ZAN: variants seen among roughly 807,000 people sequenced by gnomAD.
ZAN encodes the protein zonadhesin (gene/pseudogene).
A neutral mutation model predicts 286.2 loss-of-function variants in ZAN; 260 were observed. That is an observed-to-expected ratio of 0.91 (90% CI 0.82 to 1.01). The LOEUF (loss-of-function observed/expected upper bound fraction) is 1.01, where lower values mean the gene tolerates loss of function less well. Ranked by LOEUF, ZAN falls within the 50% of genes least tolerant of loss-of-function variation. The probability of loss-of-function intolerance (pLI) is 0.00; values close to 1 mark genes in which losing one functional copy is unlikely to be tolerated. For synonymous variants in ZAN, 1,368 were observed against 1,417.5 expected (o/e 0.97, Z 0.79); for missense variants, 3,410 against 3,639.2 (o/e 0.94, Z 1.62).
intron 35 of ZAN, among the ~76,000 whole-genome samples, chr7:100,782,679 T>G (rs968846437): frequency 9.0e-6 from 1 of 110,856 alleles, no homozygotes; most frequent in Non-Finnish European, 1.8e-5. Context: ...AGTGGGTTTT[T>G]TTTGTGTGTG....
At position 100,767,850 on chromosome 7, in the gene ZAN, C is replaced by T; in HGVS notation, c.4880C>T (p.Ala1627Val). The change falls in exon 26 of 48, where the codon GCC (alanine) becomes GTC (valine). Residue 1627 changes from alanine to valine, a missense_variant. By Grantham distance (64) the Ala-to-Val change is moderately conservative. Around this residue, in one of 7 missense-constraint regions of ZAN, gnomAD observed 1,042 missense variants for 1,058.0 expected, o/e 0.98. Transcript: ENST00000613979. ...CTGCAGCTGAATGGCCATCGGGTGG[C>T]CCTACCTGTGTGGCTTGCACAAGGC... ...CKVMLNGHRV[A>V]LPVWLAQGRV... is the part of the protein sequence containing the mutation. 1.9e-6 allele frequency: 3 copies of T among 1,613,578 alleles called. No homozygotes were observed. The highest frequency in any genetic ancestry group is 2.2e-5 in the South Asian group (2 of 91,024).
intron 7 of ZAN, among the ~76,000 whole-genome samples, chr7:100,745,400 C>G (rs926879885): frequency 6.6e-6 from 1 of 151,716 alleles, no homozygotes; most frequent in African/African-American, 2.4e-5. Flanking sequence ...GCGCTCCCCA[C>G]GAGTGGCAGC....
chr7:100,779,543 GA>G lies in ZAN; in HGVS notation c.6419del (p.Lys2140SerfsTer18). On this transcript the variant is annotated frameshift_variant, in exon 35 of 48. Coordinates refer to ENST00000613979, the MANE Select transcript of ZAN (RefSeq NM_003386.3). LOFTEE classifies it high-confidence loss of function. ...GGCGGCCGACCTCCGCAGGGCGCGGGAAAAGTGCGAGGCAGCGCTCCGGGCT... is the reference window on the plus strand; with the variant it reads ...GGCGGCCGACCTCCGCAGGGCGCGGGAAAGTGCGAGGCAGCGCTCCGGGCT... ...CRAADLRRAR[E>X]KCEAALRAPV... is the part of the protein sequence containing the mutation. The G allele has an allele frequency of 1.2e-6, 2 of 1,612,256 alleles. No individual in the cohort carries two copies. The highest frequency in any genetic ancestry group is 1.7e-6 in the Non-Finnish European group (2 of 1,179,276).
intron 9 of ZAN, 62 bp from the exon 10 acceptor site, chr7:100,748,075 G>C: frequency 1.4e-6 from 2 of 1,410,054 alleles, no homozygotes; most frequent in Non-Finnish European, 2.0e-6. Flanking sequence ...AGTCGAGTTA[G>C]ATCAGGGGCT....
At chr7:100,793,352 T>TA (rs1263351822) in intron 42 of ZAN, among the ~76,000 whole-genome samples, 2 of 151,368 alleles carry the variant, frequency 1.3e-5, no homozygotes, top group Admixed American at 6.6e-5. Flanking sequence ...AAAAAAAATT[T>TA]AAAAAAATAA....
At chr7:100,788,946 G>A (rs560695240) in intron 38 of ZAN, among the ~76,000 whole-genome samples, 20 of 152,194 alleles carry the variant, frequency 1.3e-4, no homozygotes, top group Non-Finnish European at 2.2e-4. Context: ...TGATCCGCCC[G>A]ACTCGGCCTC....
intron 7 of ZAN, among the ~76,000 whole-genome samples, chr7:100,741,166 C>A (rs1168844976): frequency 1.4e-4 from 6 of 42,116 alleles, no homozygotes; most frequent in Non-Finnish European, 2.4e-4. Context: ...CTGACCCCCC[C>A]ACCTCCCTCG....
Position 100,779,623 on chromosome 7 carries a change from CTG to C in ZAN, c.6498_6499del (p.Ala2167LysfsTer5). On this transcript the variant is annotated frameshift_variant, in exon 35 of 48. Coordinates refer to ENST00000613979, the MANE Select transcript of ZAN (RefSeq NM_003386.3). LOFTEE classifies it high-confidence loss of function. ...RIDLTPFLVD[C>X]ANTLCEFGGL... Reference sequence around the variant, plus strand: ...TAGACCTCACGCCCTTCCTGGTGGACTGTGCAAACACCCTCTGTGAGTTCGGA... The same window carrying C: ...TAGACCTCACGCCCTTCCTGGTGGACTGCAAACACCCTCTGTGAGTTCGGA... 1 of 1,602,088 alleles carries C rather than the reference CTG, an allele frequency of 6.2e-7. No homozygotes were observed.
At chr7:100,749,239 G>A (rs970618544) in intron 11 of ZAN, among the ~76,000 whole-genome samples, 4 of 152,018 alleles carry the variant, frequency 2.6e-5, no homozygotes, top group African/African-American at 7.3e-5. Flanking sequence ...CTACTCAGGA[G>A]GCTGAGGCAG....
At chr7:100,766,803 T>C in intron 24 of ZAN, 137 bp downstream of exon 24, 1 of 1,432,270 alleles carries the variant, frequency 7.0e-7, no homozygotes, top group Non-Finnish European at 9.3e-7. Flanking sequence ...GGCAGCATTT[T>C]CAGGGACCCA....
At position 100,760,493 on chromosome 7, in the gene ZAN, G is replaced by A. The variant is rs1473266274; in HGVS notation, c.3799G>A (p.Val1267Met). Residue 1267 changes from valine to methionine, a missense_variant, in exon 19 of 48, where the codon GTG (valine) becomes ATG (methionine). Val to Met is a conservative substitution (Grantham distance 21, BLOSUM62 1). Transcript: ENST00000613979. ...GCTGCAGACGGAGTTCGGTTTGCGGGTGAGATGGGATGGTGACCAGCAGCT... is the reference window on the plus strand; with the variant it reads ...GCTGCAGACGGAGTTCGGTTTGCGGATGAGATGGGATGGTGACCAGCAGCT... ...VELQTEFGLR[V>M]RWDGDQQLYV... 1.2e-6 allele frequency: 2 copies of A among 1,613,820 alleles called. No homozygotes were observed. The highest frequency in any genetic ancestry group is 2.7e-5 in the African/African-American group (2 of 74,900).
At position 100,748,212 on chromosome 7, in the gene ZAN, G is replaced by A. The variant is rs370737759; in HGVS notation, c.1099G>A (p.Gly367Arg). The change falls in exon 10 of 48, where the codon GGG becomes AGG. Residue 367 changes from glycine to arginine, a missense_variant. Physicochemically the swap from Gly to Arg is moderately radical, Grantham distance 125 (BLOSUM62 -2). Transcript: ENST00000613979. ...TGATGCAACCAGCATTGCTCCTTGT[G>A]GGGGTGAGAGCAGGCCCTGAGAGGC... ...AVDATSIAPC[G>R]EGFPQCDFED... 8.7e-6 allele frequency: 14 copies of A among 1,613,792 alleles called. No homozygotes were observed. In the African/African-American group the frequency reaches 1.3e-4, roughly 15 times the overall value.
intron 40 of ZAN, among the ~76,000 whole-genome samples, chr7:100,791,485 C>A (rs62483602): frequency 0.23 from 35,352 of 151,790 alleles, 4,771 homozygotes; most frequent in Non-Finnish European, 0.29. Context: ...CAGCTCACTG[C>A]AACCTCTGCC....
chr7:100,762,448 T>C, intron 20 of ZAN, 90 bp downstream of exon 20: 18 of 1,305,798 alleles, frequency 1.4e-5, no homozygotes, highest in Non-Finnish European at 1.8e-5. Flanking sequence ...TTTTTTGAGA[T>C]GGAGTCTCCT....
Position 100,784,651 on chromosome 7 carries a change from C to T in ZAN, c.6651C>T (p.Tyr2217=), listed in dbSNP as rs1431515948. The T allele has an allele frequency of 1.6e-5, 26 of 1,613,890 alleles. No individual in the cohort carries two copies. Among genetic ancestry groups the T allele is most frequent in the Non-Finnish European group, 2.1e-5 (25 of 1,179,908 alleles). ...CPLECPAYSS[Y]TNCLPSCSPS... ...TGGAATGCCCTGCCTACAGCAGCTA[C>T]ACCAACTGCCTTCCCTCCTGCTCAC... The change falls in exon 36 of 48, where the codon TAC becomes TAT. Residue 2217 remains tyrosine (Y), a synonymous_variant. Coordinates refer to ENST00000613979, the MANE Select transcript of ZAN (RefSeq NM_003386.3).
Position 100,792,391 on chromosome 7 carries a change from C to G in ZAN, c.7713-14C>G, listed in dbSNP as rs561712334. The G allele has an allele frequency of 1.9e-6, 3 of 1,596,998 alleles. No homozygotes were observed. Among genetic ancestry groups the G allele is most frequent in the Admixed American group, 3.4e-5 (2 of 58,048 alleles). On this transcript the variant is annotated splice_polypyrimidine_tract_variant and intron_variant, in intron 41 of 47. Transcript: ENST00000613979. ...CAAACTGACTGTGCCCTTCCTGCCC[C>G]CTCTCTGCACCAGGCACTGCGTGCT...
chr7:100,747,030 G>A (rs1174112717), intron 8 of ZAN, among the ~76,000 whole-genome samples: 5 of 152,098 alleles, frequency 3.3e-5, no homozygotes, highest in Non-Finnish European at 7.4e-5. Flanking sequence ...GTTGCAGTGA[G>A]CCGAGATCGC....
chr7:100,792,688 T>G, intron 42 of ZAN: 1 of 1,307,046 alleles, frequency 7.7e-7, no homozygotes, highest in South Asian at 1.6e-5. Flanking sequence ...CAGGTCCAAG[T>G]CAGCACAACC....
chr7:100,751,866 C>T lies in ZAN; in HGVS notation c.1761C>T (p.Pro587=). The change falls in exon 14 of 48, where the codon CCC becomes CCT. Residue 587 remains proline (P), a synonymous_variant. Transcript: ENST00000613979. The part of the protein sequence containing the change: ...PSVTTEKPTV[P]KEKPTIPTEK... ...TCACCACAGAAAAGCCCACAGTCCC[C>T]AAAGAAAAGCCCACCATTCCCACAG... 13 of 1,613,594 alleles carry T rather than the reference C, an allele frequency of 8.1e-6. No individual in the cohort carries two copies. Among genetic ancestry groups the T allele is most frequent in the South Asian group, 1.1e-5 (1 of 90,998 alleles).
Sources: allele counts gnomAD v4.1 joint callset (sites outside exome capture counted in the v4.1 genomes callset), GRCh38; gene constraint gnomAD v4.1.1; regional missense constraint gnomAD v4.1.1; transcripts MANE v1.5; gene names NCBI Gene and HGNC (gene_info 2026-07-23, HGNC 2026-07-21).